The following KCTD8 variants were observed in gnomAD, a reference collection of about 807,000 sequenced individuals.
KCTD8 encodes potassium channel tetramerization domain containing 8.
A neutral mutation model predicts 31.5 loss-of-function variants in KCTD8; 27 were observed. That is an observed-to-expected ratio of 0.86 (90% CI 0.63 to 1.18). KCTD8 has a LOEUF of 1.18. KCTD8 is among the 50% of genes most tolerant of loss of function. KCTD8 has a pLI of 0.00. For missense variants in KCTD8, 658 were observed against 647.7 expected, an observed-to-expected ratio of 1.02 and a Z score of -0.17; for synonymous variants, 290 against 280.0, an observed-to-expected ratio of 1.04 and a Z score of -0.36.
intron 1 of KCTD8, among the ~76,000 whole-genome samples, chr4:44,437,246 G>A (rs1721679350): frequency 6.6e-6 from 1 of 151,990 alleles, no homozygotes; most frequent in Non-Finnish European, 1.5e-5. Flanking sequence ...ACTCACAGGA[G>A]CCTCACAACT....
At chr4:44,227,317 T>C (rs1437519718) in intron 1 of KCTD8, among the ~76,000 whole-genome samples, 1 of 152,234 alleles carries the variant, frequency 6.6e-6, no homozygotes, top group Non-Finnish European at 1.5e-5. Flanking sequence ...CATTACTTGC[T>C]TTTGTCAGGT....
At chr4:44,413,479 CAACAT>C (rs1327620814) in intron 1 of KCTD8, among the ~76,000 whole-genome samples, 1 of 152,056 alleles carries the variant, frequency 6.6e-6, no homozygotes, top group Admixed American at 6.6e-5. Flanking sequence ...ACTTGAACTT[CAACAT>C]AACAGTAGCC....
chr4:44,227,033 C>T (rs573472526), intron 1 of KCTD8, among the ~76,000 whole-genome samples: 1 of 152,272 alleles, frequency 6.6e-6, no homozygotes, highest in Admixed American at 6.5e-5. Flanking sequence ...TGCAGAAGCT[C>T]TTTAGTTTAA....
chr4:44,374,836 A>C (rs1422541481), intron 1 of KCTD8, among the ~76,000 whole-genome samples: 1 of 152,202 alleles, frequency 6.6e-6, no homozygotes, highest in Non-Finnish European at 1.5e-5. Flanking sequence ...ATAACTGATC[A>C]CAGATCATCA....
At chr4:44,250,271 T>C (rs1446387922) in intron 1 of KCTD8, among the ~76,000 whole-genome samples, 1 of 151,744 alleles carries the variant, frequency 6.6e-6, no homozygotes. Context: ...AGTTTCTGTG[T>C]CCTCATATCT....
chr4:44,190,181 C>T (rs1713721764), intron 1 of KCTD8, among the ~76,000 whole-genome samples: 2 of 152,198 alleles, frequency 1.3e-5, no homozygotes, highest in South Asian at 4.1e-4. Context: ...AGCACCTGTT[C>T]TCAGAAAACC....
chr4:44,356,523 G>T (rs895876682), intron 1 of KCTD8, among the ~76,000 whole-genome samples: 2 of 152,126 alleles, frequency 1.3e-5, no homozygotes, highest in African/African-American at 4.8e-5. Flanking sequence ...GCCCAGGCTG[G>T]AGTGCAGTGG....
At chr4:44,366,493 T>C (rs1041666587) in intron 1 of KCTD8, among the ~76,000 whole-genome samples, 1 of 152,246 alleles carries the variant, frequency 6.6e-6, no homozygotes, top group Non-Finnish European at 1.5e-5. Flanking sequence ...GCTATGATTT[T>C]AAGTGTCCTG....
chr4:44,338,825 G>A (rs376030979), intron 1 of KCTD8, among the ~76,000 whole-genome samples: 2 of 152,242 alleles, frequency 1.3e-5, no homozygotes, highest in African/African-American at 2.4e-5. Context: ...TTAGAACAAG[G>A]AATTGGCAGG....
chr4:44,324,441 G>C (rs1199146642), intron 1 of KCTD8, among the ~76,000 whole-genome samples: 1 of 151,870 alleles, frequency 6.6e-6, no homozygotes, highest in Non-Finnish European at 1.5e-5. Context: ...TTCTCTTTCA[G>C]GGAAATTTGC....
intron 1 of KCTD8, among the ~76,000 whole-genome samples, chr4:44,329,257 C>T (rs1718532545): frequency 6.6e-6 from 1 of 150,672 alleles, no homozygotes; most frequent in Non-Finnish European, 1.5e-5. Context: ...AAGAAATGAC[C>T]AATCTAATTA....
intron 1 of KCTD8, among the ~76,000 whole-genome samples, chr4:44,325,489 C>T (rs11946766): frequency 0.03 from 4,515 of 151,780 alleles, 283 homozygotes; most frequent in African/African-American, 0.1. Flanking sequence ...TAAAATTAAG[C>T]GTGTAACTGG....
rs535846338 is a variant in KCTD8 at position 44,236,619 on chromosome 4, A to G, written c.962-61369T>C. 2.0e-5 allele frequency among the ~76,000 whole-genome samples: 3 copies of G among 152,258 alleles called. No individual in the cohort carries two copies. The South Asian group carries it at 6.2e-4, about 32-fold the overall frequency. ...TGGAAACTCTTCTCCACTTGAGATA[A>G]TATGTTTAAATCTGCCTGAAAGGTA... On this transcript the variant is annotated intron_variant, in intron 1 of 1. Coordinates refer to ENST00000360029, the MANE Select transcript of KCTD8 (RefSeq NM_198353.3).
At chr4:44,268,733 G>T (rs1386937066) in intron 1 of KCTD8, among the ~76,000 whole-genome samples, 2 of 152,018 alleles carry the variant, frequency 1.3e-5, no homozygotes, top group African/African-American at 2.4e-5. Context: ...AATCACAAAC[G>T]TTCTTATACA....
chr4:44,356,613 C>T (rs372751757), intron 1 of KCTD8, among the ~76,000 whole-genome samples: 46 of 152,094 alleles, frequency 3.0e-4, no homozygotes, highest in African/African-American at 9.9e-4. Flanking sequence ...AGCTGGTAGC[C>T]GAGTAGCCAC....
At chr4:44,182,367 A>G (rs976165886) in intron 1 of KCTD8, among the ~76,000 whole-genome samples, 1 of 152,262 alleles carries the variant, frequency 6.6e-6, no homozygotes, top group Non-Finnish European at 1.5e-5. Flanking sequence ...GGTGGGGAAA[A>G]GATAGAGAAA....
chr4:44,330,715 T>C (rs17641790), intron 1 of KCTD8, among the ~76,000 whole-genome samples: 18,125 of 151,874 alleles, frequency 0.12, 1,304 homozygotes, highest in East Asian at 0.25. Context: ...AAAAGGTTGC[T>C]ATAAAAATTA....
chr4:44,384,203 T>C (rs530323153), intron 1 of KCTD8, among the ~76,000 whole-genome samples: 2 of 152,050 alleles, frequency 1.3e-5, no homozygotes, highest in Middle Eastern at 6.8e-3. Context: ...AGAACTCTTA[T>C]ACATTGTTGG....
At chr4:44,380,396 T>C (rs1720030569) in intron 1 of KCTD8, among the ~76,000 whole-genome samples, 2 of 150,920 alleles carry the variant, frequency 1.3e-5, no homozygotes, top group African/African-American at 4.9e-5. Flanking sequence ...AAAATCAATA[T>C]TGGCAAGCGA....
Sources: gnomAD v4.1 joint callset for allele counts (sites outside exome capture counted in the v4.1 genomes callset) on GRCh38, gnomAD v4.1.1 for gene constraint, MANE v1.5 for transcripts, NCBI Gene and HGNC (gene_info 2026-07-23, HGNC 2026-07-21) for gene names.